Variants in FYCO1 observed in about 807,000 individuals in gnomAD.
FYCO1 encodes FYVE and coiled-coil domain-containing protein 1.
In FYCO1, 122 loss-of-function variants were observed where a neutral mutation model predicts 165.1. The observed-to-expected ratio is 0.74, with a 90% confidence interval of 0.64 to 0.86. FYCO1 has a LOEUF of 0.86. Among genes scored for constraint, FYCO1 ranks in the 40% least tolerant of loss-of-function variants. FYCO1 has a pLI of 0.00. For missense variants in FYCO1, 1,702 were observed against 1,810.3 expected (o/e 0.94, Z 1.09); for synonymous variants, 648 against 742.5 (o/e 0.87, Z 2.07).
chr3:45,944,876 T>C (rs1252121115), intron 14 of FYCO1: 2 of 152,190 alleles, frequency 1.3e-5, no homozygotes, highest in Admixed American at 1.3e-4. Context: ...TGAAAAAATA[T>C]GTTTTTGCCC....
chr3:45,960,160 G>A (rs1011630106), intron 11 of FYCO1, among the ~76,000 whole-genome samples: 3 of 152,232 alleles, frequency 2.0e-5, no homozygotes, highest in African/African-American at 7.2e-5. Flanking sequence ...ACTGGAGGGG[G>A]AGGATGTGAA....
At position 45,921,668 on chromosome 3, in the gene FYCO1, T is replaced by G; in HGVS notation, c.*97A>C. ...GGCAGCCCAGGGGCTGAGTTGATGA[T>G]TTTGGAGCAGCTGACTTTTTAAAAA... On this transcript the variant is annotated 3_prime_UTR_variant, in exon 18 of 18. Transcript: ENST00000296137. The G allele has an allele frequency of 1.1e-6, 1 of 870,104 alleles. No individual in the cohort carries two copies. Among genetic ancestry groups the G allele is most frequent in the Non-Finnish European group, 1.9e-6 (1 of 514,978 alleles). The allele number at this position is 870,104 out of a possible 1,614,324, so 53.9% of individuals were successfully genotyped here. A position where few individuals can be genotyped will look rare whatever the true frequency, so the allele number is the denominator to read the frequency against.
At position 45,968,063 on chromosome 3, in the gene FYCO1, T is replaced by G; in HGVS notation, c.1271A>C (p.Gln424Pro). The G allele has an allele frequency of 6.2e-7, 1 of 1,614,204 alleles. No homozygotes were observed. Among genetic ancestry groups the G allele is most frequent in the Non-Finnish European group, 8.5e-7 (1 of 1,180,034 alleles). ...RTKVEEVNRQ[Q>P]SAQLEQLVKE... is the part of the protein sequence containing the mutation. ...GACCAGCTGTTCCAGTTGGGCACTC[T>G]GCTGTCTGTTGACCTCCTCGACCTT... The change falls in exon 8 of 18, where the codon CAG (glutamine) becomes CCG (proline). Residue 424 changes from glutamine to proline, a missense_variant. Gln to Pro is a moderately conservative substitution (Grantham distance 76). Coordinates refer to ENST00000296137, the MANE Select transcript of FYCO1 (RefSeq NM_024513.4).
Position 45,968,069 on chromosome 3 carries a change from C to G in FYCO1, c.1265G>C (p.Arg422Thr). The G allele has an allele frequency of 6.2e-7, 1 of 1,614,200 alleles. No individual in the cohort carries two copies. Among genetic ancestry groups the G allele is most frequent in the Non-Finnish European group, 8.5e-7 (1 of 1,180,026 alleles). The change falls in exon 8 of 18, where the codon AGA (arginine) becomes ACA (threonine). Residue 422 changes from arginine to threonine, a missense_variant. Transcript: ENST00000296137. Reference sequence around the variant, plus strand: ...CTGTTCCAGTTGGGCACTCTGCTGTCTGTTGACCTCCTCGACCTTGGTTCT... The same window carrying G: ...CTGTTCCAGTTGGGCACTCTGCTGTGTGTTGACCTCCTCGACCTTGGTTCT... ...RERTKVEEVN[R>T]QQSAQLEQLV...
At chr3:45,956,431 T>C (rs1399161183) in intron 13 of FYCO1, among the ~76,000 whole-genome samples, 1 of 152,200 alleles carries the variant, frequency 6.6e-6, no homozygotes, top group East Asian at 1.9e-4. Flanking sequence ...CAGCACTCTG[T>C]GGTCACTAAT....
Position 45,921,836 on chromosome 3 carries a change from C to A in FYCO1, c.4366G>T (p.Val1456Phe). Residue 1456 changes from valine (V) to phenylalanine (F), a missense_variant, in exon 18 of 18, where the codon GTC (valine) becomes TTC (phenylalanine). Coordinates refer to ENST00000296137, the MANE Select transcript of FYCO1 (RefSeq NM_024513.4). ...LIFDNTFSRF[V>F]SKKVFYHLTV... ...AAGTGATAAAATACCTTTTTAGAGA[C>A]AAACCTGAGGAAACAGAAATGGAAA... The A allele has an allele frequency of 1.2e-6, 2 of 1,607,614 alleles. No homozygotes were observed. The highest frequency in any genetic ancestry group is 1.7e-6 in the Non-Finnish European group (2 of 1,174,054).
At position 45,944,385 on chromosome 3, in the gene FYCO1, C is replaced by G. The variant is rs2125818547; in HGVS notation, c.3945-7842G>C. On this transcript the variant is annotated intron_variant, in intron 14 of 17. Coordinates refer to ENST00000296137, the MANE Select transcript of FYCO1 (RefSeq NM_024513.4). ...TTTGCATATTTACTTTGTGTTTACA[C>G]TGTTCTTAGCAATTTAACTGTATTG... Among the ~76,000 whole-genome samples, 2 of 152,252 alleles carry G rather than the reference C, an allele frequency of 1.3e-5. 1 individual carries two copies. Among genetic ancestry groups the G allele is most frequent in the South Asian group, 4.2e-4 (2 of 4,818 alleles).
At chr3:45,949,500 T>A (rs1183373237) in intron 14 of FYCO1, among the ~76,000 whole-genome samples, 1 of 152,130 alleles carries the variant, frequency 6.6e-6, no homozygotes, top group East Asian at 1.9e-4. Flanking sequence ...GTGATGAGAA[T>A]GCAGGCTCTG....
At chr3:45,991,259 A>G (rs1174020933) in intron 1 of FYCO1, among the ~76,000 whole-genome samples, 6 of 152,256 alleles carry the variant, frequency 3.9e-5, no homozygotes, top group African/African-American at 1.4e-4. Flanking sequence ...TGAATAGAAT[A>G]ATATAATTCA....
intron 4 of FYCO1, among the ~76,000 whole-genome samples, chr3:45,975,917 C>A (rs930037557): frequency 6.6e-6 from 1 of 152,164 alleles, no homozygotes; most frequent in African/African-American, 2.4e-5. Flanking sequence ...GGCAGAGGTG[C>A]GTGAGTGCGG....
rs1208705752 is a variant in FYCO1 at position 45,921,851 on chromosome 3, A to G, written c.4362-11T>C. 6.3e-7 allele frequency: 1 copy of G among 1,580,932 alleles called. No homozygotes were observed. The highest frequency in any genetic ancestry group is 8.7e-7 in the Non-Finnish European group (1 of 1,149,896). ...TTTTTAGAGACAAACCTGAGGAAAC[A>G]GAAATGGAAAGGGAGGGTGTTACCT... On this transcript the variant is annotated splice_polypyrimidine_tract_variant and intron_variant, in intron 17 of 17. Coordinates refer to ENST00000296137, the MANE Select transcript of FYCO1 (RefSeq NM_024513.4).
At chr3:45,950,148 T>C (rs1356779519) in intron 14 of FYCO1, among the ~76,000 whole-genome samples, 4 of 152,018 alleles carry the variant, frequency 2.6e-5, no homozygotes, top group Non-Finnish European at 5.9e-5. Context: ...TCCCTTCTGC[T>C]TGTCCACACC....
Position 45,993,107 on chromosome 3 carries a change from T to C in FYCO1, c.-113+2615A>G, listed in dbSNP as rs1217669291. Among the ~76,000 whole-genome samples the C allele has an allele frequency of 6.6e-6, 1 of 152,236 alleles. No homozygotes were observed. The highest frequency in any genetic ancestry group is 6.5e-5 in the Admixed American group (1 of 15,304). On this transcript the variant is annotated intron_variant, in intron 1 of 17. Transcript: ENST00000296137. This position sits in a 1 kb window ranked among gnomAD's most constrained non-coding sequence, Gnocchi z 4.4. ...AATACTATACCCAAACCACAGATTC[T>C]CCTTAAGTCTTTCATCAGAACCACA...
chr3:45,977,517 C>T (rs1169547511), intron 4 of FYCO1, among the ~76,000 whole-genome samples: 1 of 151,014 alleles, frequency 6.6e-6, no homozygotes, highest in Non-Finnish European at 1.5e-5. Flanking sequence ...GATTATGGAT[C>T]CACTTTCATT....
In FYCO1 at chr3:45,964,454, C is replaced by T; in HGVS notation, c.3151G>A (p.Ala1051Thr). 3 of 1,613,920 alleles carry T rather than the reference C, an allele frequency of 1.9e-6. No homozygotes were observed. The highest frequency in any genetic ancestry group is 2.5e-6 in the Non-Finnish European group (3 of 1,179,870). ...TTCTCTCCCATGTCTGCTTGGGTGG[C>T]CTGGCACAGGACGTCAGGGAGAAGA... ...AAEEAVEKLK[A>T]TQADMGEKLS... The change falls in exon 10 of 18, where the codon GCC (alanine) becomes ACC (threonine). Residue 1051 changes from alanine to threonine, a missense_variant and splice_region_variant. Transcript: ENST00000296137. This position sits in a 1 kb window ranked among gnomAD's most constrained non-coding sequence, Gnocchi z 4.1.
In FYCO1 at chr3:45,958,307, A is replaced by C. The variant is rs1476114503; in HGVS notation, c.3799+101T>G. On this transcript the variant is annotated intron_variant, in intron 13 of 17. Coordinates refer to ENST00000296137, the MANE Select transcript of FYCO1 (RefSeq NM_024513.4). ...CACCTCTTTAATACCTAAGTTTAGAAAACACTGAATTCAGCTTATTAGCAC... is the reference window on the plus strand; with the variant it reads ...CACCTCTTTAATACCTAAGTTTAGACAACACTGAATTCAGCTTATTAGCAC... 5 of 1,052,366 alleles carry C rather than the reference A, an allele frequency of 4.8e-6. No homozygotes were observed. In the East Asian group the frequency reaches 1.3e-4, roughly 27 times the overall value. The allele number at this position is 1,052,366 out of a possible 1,614,324, so 65.2% of individuals were successfully genotyped here. A position where few individuals can be genotyped will look rare whatever the true frequency, so the allele number is the denominator to read the frequency against.
At chr3:45,949,666 C>T (rs1315063416) in intron 14 of FYCO1, among the ~76,000 whole-genome samples, 1 of 152,206 alleles carries the variant, frequency 6.6e-6, no homozygotes, top group African/African-American at 2.4e-5. Context: ...CAGCACACTG[C>T]AAGCACCATG....
chr3:45,927,334 G>C (rs547650303), intron 16 of FYCO1, among the ~76,000 whole-genome samples: 7 of 152,142 alleles, frequency 4.6e-5, no homozygotes, highest in African/African-American at 7.2e-5. Context: ...GTATGTTCTA[G>C]GTCTACAATG....
rs17280623 is a variant in FYCO1, at chr3:45,964,849, C to G, written c.3150+184G>C. On this transcript the variant is annotated intron_variant, in intron 9 of 17. Transcript: ENST00000296137. The surrounding 1 kb of genome is among the most constrained non-coding windows in gnomAD (Gnocchi z 4.1). ...CTTATTTCCTTTCTGCATTTGGCAGCTCCGGCCAGGTGTCCAGGGAATGGA... is the reference window on the plus strand; with the variant it reads ...CTTATTTCCTTTCTGCATTTGGCAGGTCCGGCCAGGTGTCCAGGGAATGGA... 0.093 allele frequency among the ~76,000 whole-genome samples: 14,231 copies of G among 152,290 alleles called. 1,024 individuals carry two copies. The highest frequency in any genetic ancestry group is 0.34 in the South Asian group (1,646 of 4,822).
Sources: allele counts gnomAD v4.1 joint callset (sites outside exome capture counted in the v4.1 genomes callset), GRCh38; gene constraint gnomAD v4.1.1; non-coding constraint Gnocchi (gnomAD v3.1); transcripts MANE v1.5; gene names NCBI Gene and HGNC (gene_info 2026-07-23, HGNC 2026-07-21).